Variants in EPHA2 observed in about 807,000 individuals in gnomAD.
EPHA2 encodes EPH receptor A2, also known as ephrin type-A receptor 2.
Under a neutral mutation model 104.9 loss-of-function variants are expected in EPHA2, and 54 were observed. The ratio of observed to expected loss-of-function variants is 0.51; its 90% confidence interval spans 0.41 to 0.65. EPHA2 has a LOEUF of 0.65. Among genes scored for constraint, EPHA2 ranks in the 30% least tolerant of loss-of-function variants. The pLI is 0.00. For missense variants in EPHA2, 1,117 were observed against 1,369.5 expected (o/e 0.82, Z 2.91); for synonymous variants, 560 against 559.1 (o/e 1.00, Z -0.02).
chr1:16,152,353 C>G (rs1170923397), intron 1 of EPHA2, among the ~76,000 whole-genome samples: 1 of 152,138 alleles, frequency 6.6e-6, no homozygotes, highest in East Asian at 1.9e-4. Flanking sequence ...GGGCTGAAGG[C>G]CCCCAGGCTG....
chr1:16,135,662 CG>C lies in EPHA2; in HGVS notation c.1420del (p.Arg474AlafsTer19), dbSNP rs763145805. The stretch of plus-strand genomic sequence containing the variant: ...CGCCCCTCTGGGAGTTACCTTCTTG[CG>C]GTAAGTGACCTCGTACTTCCACACT... ...SRVWKYEVTY[R>X]KKGDSNSYNV... On this transcript the variant is annotated frameshift_variant, in exon 6 of 17. Coordinates refer to ENST00000358432, the MANE Select transcript of EPHA2 (RefSeq NM_004431.5). LOFTEE classifies it high-confidence loss of function. This position sits in a 1 kb window ranked among gnomAD's most constrained non-coding sequence, Gnocchi z 4.3. 2 of 1,613,876 alleles carry C rather than the reference CG, an allele frequency of 1.2e-6. No homozygotes were observed. Among genetic ancestry groups the C allele is most frequent in the Non-Finnish European group, 1.7e-6 (2 of 1,179,962 alleles).
In EPHA2 at chr1:16,132,568, G is replaced by T. The variant is rs1421222460; in HGVS notation, c.2054-129C>A. The T allele has an allele frequency of 1.0e-5, 10 of 986,194 alleles. No homozygotes were observed. The African/African-American group carries it at 1.4e-4, about 14-fold the overall frequency. 61.1% of individuals were successfully genotyped at this position (986,194 alleles called of 1,614,324 possible). The stretch of plus-strand genomic sequence containing the variant: ...ACAGGTGTGGGGAGAGGTGGAACAG[G>T]TGTGGGGAGGGTGGGTACAGGTATG... On this transcript the variant is annotated intron_variant, in intron 11 of 16. Coordinates refer to ENST00000358432, the MANE Select transcript of EPHA2 (RefSeq NM_004431.5).
In EPHA2 at chr1:16,134,608, C is replaced by A. The variant is rs533531229; in HGVS notation, c.1583-41G>T. 1.9e-6 allele frequency: 3 copies of A among 1,598,978 alleles called. No homozygotes were observed. In the African/African-American group the frequency reaches 4.0e-5, roughly 21 times the overall value. ...AGCTGATGACAAGGGAGTTCCCCCACAAATTACAGCAACACCCGCGCTGCA... is the reference window on the plus strand; with the variant it reads ...AGCTGATGACAAGGGAGTTCCCCCAAAAATTACAGCAACACCCGCGCTGCA... On this transcript the variant is annotated intron_variant, in intron 7 of 16. Coordinates refer to ENST00000358432, the MANE Select transcript of EPHA2 (RefSeq NM_004431.5). The surrounding 1 kb of genome is among the most constrained non-coding windows in gnomAD (Gnocchi z 4.5).
In EPHA2 at chr1:16,131,472, C is replaced by A. The variant is rs1039719995; in HGVS notation, c.2475+249G>T. ...GCGCATGCCTGTAATCCCAGCTACT[C>A]GGGAGGCTGAGGCAGGAGAATTGCT... On this transcript the variant is annotated intron_variant, in intron 14 of 16. Transcript: ENST00000358432. This position sits in a 1 kb window ranked among gnomAD's most constrained non-coding sequence, Gnocchi z 5.2. Among the ~76,000 whole-genome samples, 1 of 151,910 alleles carries A rather than the reference C, an allele frequency of 6.6e-6. No homozygotes were observed. The highest frequency in any genetic ancestry group is 1.5e-5 in the Non-Finnish European group (1 of 67,978).
chr1:16,135,235 A>AG lies in EPHA2; in HGVS notation c.1429-47dup, dbSNP rs759924091. On this transcript the variant is annotated intron_variant, in intron 6 of 16. Coordinates refer to ENST00000358432, the MANE Select transcript of EPHA2 (RefSeq NM_004431.5). The surrounding 1 kb of genome is among the most constrained non-coding windows in gnomAD (Gnocchi z 4.3). ...GAGGAGCAGGCAGTGAGGGCAGGGC[A>AG]GGGGCCTCGGCTCAGCCCGCTGGAG... is the stretch of plus-strand genomic sequence containing the variant. 3.7e-6 allele frequency: 6 copies of AG among 1,611,066 alleles called. No individual in the cohort carries two copies. Among genetic ancestry groups the AG allele is most frequent in the East Asian group, 2.2e-5 (1 of 44,860 alleles).
intron 3 of EPHA2, 137 bp from the exon 4 acceptor site, chr1:16,138,567 C>T (rs766578890): frequency 2.2e-5 from 29 of 1,307,428 alleles, no homozygotes; most frequent in Admixed American, 5.7e-5. Context: ...GTTTTCTCAT[C>T]GGCAAAATGT....
Position 16,130,224 on chromosome 1 carries a change from A to T in EPHA2, c.2669+2T>A. 1 of 1,614,188 alleles carries T rather than the reference A, an allele frequency of 6.2e-7. No homozygotes were observed. On this transcript the variant is annotated splice_donor_variant, in intron 15 of 16. Coordinates refer to ENST00000358432, the MANE Select transcript of EPHA2 (RefSeq NM_004431.5). LOFTEE classifies it high-confidence loss of function. The surrounding 1 kb of genome is among the most constrained non-coding windows in gnomAD (Gnocchi z 4.5). ...ATCATGGGCAGAGGGCATAGAACTC[A>T]CCGGGGGTCAAAGTCAGCCAGGGTC... is the stretch of plus-strand genomic sequence containing the variant.
At chr1:16,146,243 G>A (rs984272945) in intron 3 of EPHA2, among the ~76,000 whole-genome samples, 1 of 152,128 alleles carries the variant, frequency 6.6e-6, no homozygotes, top group Non-Finnish European at 1.5e-5. Flanking sequence ...CGGAAATTTC[G>A]CTCTTGGAAA....
In EPHA2 at chr1:16,133,478, C is replaced by T. The variant is rs1242413909; in HGVS notation, c.1864+3G>A. 6.2e-7 allele frequency: 1 copy of T among 1,614,148 alleles called. No individual in the cohort carries two copies. Among genetic ancestry groups the T allele is most frequent in the Admixed American group, 1.7e-5 (1 of 60,026 alleles). On this transcript the variant is annotated splice_donor_region_variant and intron_variant, in intron 10 of 16. Transcript: ENST00000358432. ...GGGCCCCTTGGCAGGGGGCCAACCT[C>T]ACCTGCTCCGATCACCTTCTGCCGA... is the stretch of plus-strand genomic sequence containing the variant.
intron 5 of EPHA2, among the ~76,000 whole-genome samples, chr1:16,137,134 G>C (rs1345158464): frequency 6.6e-6 from 1 of 152,090 alleles, no homozygotes; most frequent in Non-Finnish European, 1.5e-5. Flanking sequence ...TTACAGGGGA[G>C]AACATTGAGG....
chr1:16,138,510 C>A, intron 3 of EPHA2, 80 bp from the exon 4 acceptor site: 1 of 1,590,694 alleles, frequency 6.3e-7, no homozygotes. Context: ...CATTCCCTCA[C>A]CAGGGACCCC....
Position 16,130,541 on chromosome 1 carries a change from G to A in EPHA2, c.2476-122C>T, listed in dbSNP as rs1333931281. 2 of 997,964 alleles carry A rather than the reference G, an allele frequency of 2.0e-6. No individual in the cohort carries two copies. Among genetic ancestry groups the A allele is most frequent in the Admixed American group, 3.3e-5 (1 of 30,226 alleles). The allele number at this position is 997,964 out of a possible 1,614,324, so 61.8% of individuals were successfully genotyped here. A position where few individuals can be genotyped will look rare whatever the true frequency, so the allele number is the denominator to read the frequency against. ...ACAGGAACATCCCAGAAACAGACAG[G>A]AAGGGCCTTTCTTGAGCTGCCACCC... On this transcript the variant is annotated intron_variant, in intron 14 of 16. Coordinates refer to ENST00000358432, the MANE Select transcript of EPHA2 (RefSeq NM_004431.5). The surrounding 1 kb of genome is among the most constrained non-coding windows in gnomAD (Gnocchi z 4.5).
Position 16,135,078 on chromosome 1 carries a change from C to T in EPHA2, c.1540G>A (p.Gly514Ser), listed in dbSNP as rs1399641731. The change falls in exon 7 of 17, where the codon GGC becomes AGC. Residue 514 changes from glycine to serine, a missense_variant. Around this residue, in one of 3 missense-constraint regions of EPHA2, gnomAD observed 664 missense variants for 784.8 expected, o/e 0.85. Coordinates refer to ENST00000358432, the MANE Select transcript of EPHA2 (RefSeq NM_004431.5). The surrounding 1 kb of genome is among the most constrained non-coding windows in gnomAD (Gnocchi z 4.3). ...LVQVQALTQE[G>S]QGAGSKVHEF... is the part of the protein sequence containing the mutation. ...TGCACCTTGCTGCCGGCCCCCTGGC[C>T]CTCCTGCGTCAGTGCCTGCACCTGG... The T allele has an allele frequency of 1.2e-6, 2 of 1,613,604 alleles. No individual in the cohort carries two copies. The highest frequency in any genetic ancestry group is 4.5e-5 in the East Asian group (2 of 44,898).
chr1:16,130,200 T>C lies in EPHA2; in HGVS notation c.2669+26A>G. The C allele has an allele frequency of 6.2e-7, 1 of 1,613,948 alleles. No homozygotes were observed. The highest frequency in any genetic ancestry group is 8.5e-7 in the Non-Finnish European group (1 of 1,179,908). On this transcript the variant is annotated intron_variant, in intron 15 of 16. Transcript: ENST00000358432. The surrounding 1 kb of genome is among the most constrained non-coding windows in gnomAD (Gnocchi z 4.5). Reference sequence around the variant, plus strand: ...GTCTGCAGAAGGAAAATTGAGGTCATCATGGGCAGAGGGCATAGAACTCAC... The same window carrying C: ...GTCTGCAGAAGGAAAATTGAGGTCACCATGGGCAGAGGGCATAGAACTCAC...
Position 16,124,339 on chromosome 1 carries a change from G to A in EPHA2, c.*876C>T, listed in dbSNP as rs1358379520. On this transcript the variant is annotated 3_prime_UTR_variant, in exon 17 of 17. Coordinates refer to ENST00000358432, the MANE Select transcript of EPHA2 (RefSeq NM_004431.5). ...TTTCCCAAGACTGAAAGCCAAGATCGGTTTGAATCATCTGCAACTTTATTC... is the reference window on the plus strand; with the variant it reads ...TTTCCCAAGACTGAAAGCCAAGATCAGTTTGAATCATCTGCAACTTTATTC... 3.3e-5 allele frequency: 5 copies of A among 152,592 alleles called. No individual in the cohort carries two copies. The highest frequency in any genetic ancestry group is 1.2e-4 in the African/African-American group (5 of 41,446). 9.5% of individuals were successfully genotyped at this position (152,592 alleles called of 1,614,324 possible). A position where few individuals can be genotyped will look rare whatever the true frequency, so the allele number is the denominator to read the frequency against.
chr1:16,139,274 C>T (rs1302529527), intron 3 of EPHA2, among the ~76,000 whole-genome samples: 4 of 152,210 alleles, frequency 2.6e-5, no homozygotes, highest in South Asian at 2.1e-4. Flanking sequence ...ACAGGGCTCA[C>T]GGTGCAGGGC....
chr1:16,126,337 A>C (rs1198261418), intron 16 of EPHA2, among the ~76,000 whole-genome samples: 2 of 152,232 alleles, frequency 1.3e-5, no homozygotes, highest in East Asian at 3.8e-4. Context: ...GAAAACACCC[A>C]AGTTTTTATG....
intron 3 of EPHA2, among the ~76,000 whole-genome samples, chr1:16,141,012 C>A (rs1467848306): frequency 6.6e-6 from 1 of 152,214 alleles, no homozygotes; most frequent in Non-Finnish European, 1.5e-5. Context: ...GGATTACAGG[C>A]GTGAGCCACC....
Position 16,156,043 on chromosome 1 carries a change from C to T in EPHA2, c.-111G>A. 6.2e-6 allele frequency: 5 copies of T among 812,876 alleles called. No homozygotes were observed. In the South Asian group the frequency reaches 9.4e-5, roughly 15 times the overall value. 50.4% of individuals were successfully genotyped at this position (812,876 alleles called of 1,614,324 possible). On this transcript the variant is annotated 5_prime_UTR_variant, in exon 1 of 17. Transcript: ENST00000358432. ...CCGCCCGCCGGCCTGCGCGCAACTTCTGCCCCTCCTGCCCCGAGTCCTTAA... is the reference window on the plus strand; with the variant it reads ...CCGCCCGCCGGCCTGCGCGCAACTTTTGCCCCTCCTGCCCCGAGTCCTTAA...
Sources: gnomAD v4.1 joint callset for allele counts (sites outside exome capture counted in the v4.1 genomes callset) on GRCh38, gnomAD v4.1.1 for gene constraint, gnomAD v4.1.1 regional missense constraint, Gnocchi (gnomAD v3.1) non-coding constraint, MANE v1.5 for transcripts, NCBI Gene and HGNC (gene_info 2026-07-23, HGNC 2026-07-21) for gene names.